The following DOCK9 variants were observed in gnomAD, a reference collection of about 807,000 sequenced individuals.
The protein encoded by DOCK9 is dedicator of cytokinesis protein 9.
DOCK9 carries 89 observed loss-of-function variants against 263.3 expected under a neutral mutation model. The ratio of observed to expected loss-of-function variants is 0.34; its 90% CI spans 0.28 to 0.40. The LOEUF (loss-of-function observed/expected upper bound fraction) is 0.40. Ranked by LOEUF, DOCK9 falls within the 10% of genes least tolerant of loss-of-function variation. The probability of loss-of-function intolerance (pLI) is 1.00; values close to 1 mark genes in which losing one functional copy is unlikely to be tolerated. For missense variants in DOCK9, 2,140 were observed against 2,603.4 expected (o/e 0.82, Z 3.87); for synonymous variants, 976 against 973.1 (o/e 1.00, Z -0.06).
chr13:98,900,054 C>T (rs959963387), intron 13 of DOCK9, among the ~76,000 whole-genome samples: 16 of 152,178 alleles, frequency 1.1e-4, no homozygotes, highest in Non-Finnish European at 1.5e-5. Flanking sequence ...TCTGCCAAAA[C>T]TGTGCTAAAG....
intron 1 of DOCK9, among the ~76,000 whole-genome samples, chr13:99,073,360 TTC>T (rs1490238973): frequency 1.4e-5 from 2 of 141,410 alleles, no homozygotes; most frequent in African/African-American, 2.6e-5. Flanking sequence ...TCTTCTTCTT[TTC>T]TCTCTCTCCT....
intron 1 of DOCK9, among the ~76,000 whole-genome samples, chr13:99,000,425 TCTC>T (rs901495107): frequency 5.3e-5 from 8 of 152,250 alleles, no homozygotes; most frequent in East Asian, 3.9e-4. Flanking sequence ...TTCCCAAACT[TCTC>T]CTCCTGAGGG....
intron 13 of DOCK9, among the ~76,000 whole-genome samples, chr13:98,899,233 C>A (rs762265006): frequency 6.6e-6 from 1 of 152,030 alleles, no homozygotes; most frequent in African/African-American, 2.4e-5. Context: ...ACAAGACCTC[C>A]GGTGATCTGT....
intron 1 of DOCK9, among the ~76,000 whole-genome samples, chr13:99,010,734 G>C (rs987984490): frequency 6.6e-6 from 1 of 152,136 alleles, no homozygotes; most frequent in South Asian, 2.1e-4. Flanking sequence ...CTAATGTAGC[G>C]CCCACCATAT....
intron 17 of DOCK9, 56 bp downstream of exon 17, chr13:98,888,304 C>T: frequency 6.2e-7 from 1 of 1,603,492 alleles, no homozygotes; most frequent in Non-Finnish European, 8.5e-7. Flanking sequence ...ACATGGGACG[C>T]TGAATCTAAA....
At chr13:98,801,679 G>A (rs1263879228) in intron 49 of DOCK9, among the ~76,000 whole-genome samples, 1 of 152,122 alleles carries the variant, frequency 6.6e-6, no homozygotes, top group Non-Finnish European at 1.5e-5. Flanking sequence ...AGGTAGATAT[G>A]TACTTAAAAG....
At chr13:98,925,688 G>T in intron 4 of DOCK9, 149 bp downstream of exon 4, 1 of 485,796 alleles carries the variant, frequency 2.1e-6, no homozygotes, top group Non-Finnish European at 3.6e-6. Context: ...ACAATCAAAG[G>T]CCCTGTAAAC....
chr13:99,042,452 G>T (rs1314901856), intron 1 of DOCK9, among the ~76,000 whole-genome samples: 3 of 152,162 alleles, frequency 2.0e-5, no homozygotes, highest in Non-Finnish European at 4.4e-5. Context: ...ATTTCTAAAT[G>T]GGGGACGTGA....
chr13:99,058,672 C>T (rs767245286), intron 1 of DOCK9, among the ~76,000 whole-genome samples: 20 of 152,156 alleles, frequency 1.3e-4, no homozygotes, highest in Non-Finnish European at 2.8e-4. Context: ...GGCCTGGAAG[C>T]ACCTGGTATG....
At chr13:99,015,057 A>G (rs995210177) in intron 1 of DOCK9, among the ~76,000 whole-genome samples, 4 of 152,156 alleles carry the variant, frequency 2.6e-5, no homozygotes, top group African/African-American at 9.7e-5. Flanking sequence ...AACCTGGCCA[A>G]CTAGAAGACT....
intron 45 of DOCK9, among the ~76,000 whole-genome samples, chr13:98,811,049 C>T (rs1320509521): frequency 6.6e-6 from 1 of 152,152 alleles, no homozygotes; most frequent in Admixed American, 6.5e-5. Flanking sequence ...TGGAAGGGGG[C>T]CTGTCTGCCT....
At chr13:98,943,294 T>C (rs763051204) in intron 2 of DOCK9, among the ~76,000 whole-genome samples, 14 of 152,206 alleles carry the variant, frequency 9.2e-5, no homozygotes, top group Non-Finnish European at 2.1e-4. Context: ...TCTGTCCTCT[T>C]TGGATCTCAT....
At chr13:98,871,893 A>C (rs1344811216) in intron 27 of DOCK9, 1 of 152,966 alleles carries the variant, frequency 6.5e-6, no homozygotes, top group Non-Finnish European at 1.5e-5. Flanking sequence ...TGCGAGCCAC[A>C]CTTATGTGCT....
chr13:98,886,752 G>A (rs1169877161), intron 18 of DOCK9, 128 bp from the exon 19 acceptor site: 13 of 836,734 alleles, frequency 1.6e-5, no homozygotes, highest in Non-Finnish European at 2.2e-5. Flanking sequence ...ATGGGCCCCA[G>A]GCCTGTGAGC....
chr13:99,077,156 T>C (rs1050024209), intron 1 of DOCK9, among the ~76,000 whole-genome samples: 1 of 152,186 alleles, frequency 6.6e-6, no homozygotes, highest in Non-Finnish European at 1.5e-5. Context: ...TACTAATGTC[T>C]TCAGGGTTTA....
At chr13:98,794,820 T>C in intron 52 of DOCK9, 72 bp from the exon 53 acceptor site, 3 of 1,535,212 alleles carry the variant, frequency 2.0e-6, no homozygotes. Context: ...TTGCCATGTG[T>C]GACACAATGT....
intron 39 of DOCK9, among the ~76,000 whole-genome samples, chr13:98,835,868 G>A (rs1363664185): frequency 2.0e-5 from 3 of 151,134 alleles, no homozygotes; most frequent in Non-Finnish European, 4.4e-5. Flanking sequence ...GCCTCCCGTA[G>A]CTGGGACTAC....
At chr13:98,942,225 T>TTG (rs1204115113) in intron 2 of DOCK9, among the ~76,000 whole-genome samples, 1 of 136,004 alleles carries the variant, frequency 7.4e-6, no homozygotes, top group African/African-American at 3.2e-5. Flanking sequence ...GTTATGTTTT[T>TTG]TTTTTTGTTG....
chr13:98,892,039 T>C (rs985410610), intron 15 of DOCK9, among the ~76,000 whole-genome samples: 1 of 152,182 alleles, frequency 6.6e-6, no homozygotes, highest in Non-Finnish European at 1.5e-5. Flanking sequence ...TTTGTTTTGC[T>C]AAAGAGTACC....
Sources: allele counts gnomAD v4.1 joint callset (sites outside exome capture counted in the v4.1 genomes callset), GRCh38; gene constraint gnomAD v4.1.1; transcripts MANE v1.5; gene names NCBI Gene and HGNC (gene_info 2026-07-23, HGNC 2026-07-21).